COL4A6: variants seen among roughly 807,000 people sequenced by gnomAD.
COL4A6 encodes collagen alpha-6(IV) chain.
COL4A6 carries 59 observed loss-of-function variants against 126.7 expected under a neutral mutation model. That is an observed-to-expected ratio of 0.47 (90% CI 0.38 to 0.58). The LOEUF (loss-of-function observed/expected upper bound fraction) is 0.58. Among genes scored for constraint, COL4A6 ranks in the 20% least tolerant of loss-of-function variants. The pLI is 0.00. For synonymous variants in COL4A6, 547 were observed against 496.6 expected (o/e 1.10, Z -1.35); for missense variants, 1,285 against 1,337.3 (o/e 0.96, Z 0.61).
At position 108,171,768 on chromosome X, in the gene COL4A6, C is replaced by T. The variant is rs1212119371; in HGVS notation, c.3203-307G>A. On this transcript the variant is annotated intron_variant, in intron 32 of 44. Coordinates refer to ENST00000334504, the MANE Select transcript of COL4A6 (RefSeq NM_033641.4). ...ACATCACCAGAATGGAACAGTGATGCCAGCAAGAATGGGAAATTTTCCTGC... is the reference window on the plus strand; with the variant it reads ...ACATCACCAGAATGGAACAGTGATGTCAGCAAGAATGGGAAATTTTCCTGC... Among the ~76,000 whole-genome samples the T allele has an allele frequency of 2.7e-5, 3 of 111,742 alleles. No homozygotes were observed. The Admixed American group carries it at 2.8e-4, about 11-fold the overall frequency.
At chrX:108,263,803 A>T (rs1446154803) in intron 3 of COL4A6, among the ~76,000 whole-genome samples, 2 of 111,466 alleles carry the variant, frequency 1.8e-5, no homozygotes, top group South Asian at 3.8e-4. Context: ...CAGTAATTCT[A>T]TGTGCAATTA....
intron 2 of COL4A6, among the ~76,000 whole-genome samples, chrX:108,331,348 A>G (rs1472132754): frequency 8.9e-6 from 1 of 112,022 alleles, no homozygotes; most frequent in Non-Finnish European, 1.9e-5. Context: ...ACATCATAGC[A>G]TACTTACACA....
At chrX:108,281,177 T>C (rs1251136087) in intron 3 of COL4A6, among the ~76,000 whole-genome samples, 1 of 92,480 alleles carries the variant, frequency 1.1e-5, no homozygotes, top group Non-Finnish European at 2.2e-5. Flanking sequence ...ATAAAGGGTA[T>C]TCAGTTAGGA....
intron 2 of COL4A6, among the ~76,000 whole-genome samples, chrX:108,422,669 A>G (rs1476388452): frequency 1.8e-5 from 2 of 111,515 alleles, no homozygotes; most frequent in Non-Finnish European, 3.8e-5. Context: ...GCTGACTTAT[A>G]CTCTGAAAAC....
chrX:108,306,145 G>C (rs923750067), intron 3 of COL4A6, among the ~76,000 whole-genome samples: 2 of 112,061 alleles, frequency 1.8e-5, no homozygotes, highest in Non-Finnish European at 3.8e-5. Flanking sequence ...CAAGGGAACA[G>C]AAAGTTTCAG....
rs751264230 is a variant in COL4A6 at position 108,165,505 on chromosome X, AG to A, written c.3692-20del. 1.9e-6 allele frequency: 2 copies of A among 1,069,802 alleles called. No homozygotes were observed. Among genetic ancestry groups the A allele is most frequent in the Non-Finnish European group, 2.5e-6 (2 of 794,029 alleles). The allele number at this position is 1,069,802 out of a possible 1,213,427, so 88.2% of individuals were successfully genotyped here. A position where few individuals can be genotyped will look rare whatever the true frequency, so the allele number is the denominator to read the frequency against. Reference sequence around the variant, plus strand: ...GGGAAACCTGTAAAGAATAAATAAAAGGGGCTGGATAGGCTCTGTGTGCCCA... The same window carrying A: ...GGGAAACCTGTAAAGAATAAATAAAAGGGCTGGATAGGCTCTGTGTGCCCA... On this transcript the variant is annotated intron_variant, in intron 37 of 44. Coordinates refer to ENST00000334504, the MANE Select transcript of COL4A6 (RefSeq NM_033641.4).
At chrX:108,246,304 C>T (rs376013919) in intron 3 of COL4A6, among the ~76,000 whole-genome samples, 65 of 111,934 alleles carry the variant, frequency 5.8e-4, no homozygotes, top group African/African-American at 1.8e-3. Flanking sequence ...AGTTAAAGTT[C>T]TTGGCTGCAA....
At chrX:108,307,175 C>T (rs1206787502) in intron 3 of COL4A6, among the ~76,000 whole-genome samples, 1 of 111,296 alleles carries the variant, frequency 9.0e-6, no homozygotes, top group Non-Finnish European at 1.9e-5. Context: ...ACACCTAACT[C>T]CTAAGAAAGA....
At chrX:108,354,359 C>T (rs1382433399) in intron 2 of COL4A6, among the ~76,000 whole-genome samples, 1 of 111,289 alleles carries the variant, frequency 9.0e-6, no homozygotes, top group Non-Finnish European at 1.9e-5. Flanking sequence ...AAAATGTTTC[C>T]ATGGTGCTCA....
At chrX:108,405,317 G>A (rs1029808522) in intron 2 of COL4A6, among the ~76,000 whole-genome samples, 12 of 109,662 alleles carry the variant, frequency 1.1e-4, no homozygotes, top group African/African-American at 4.0e-4. Flanking sequence ...CCGTACCTCA[G>A]CCTCCCCAGT....
At chrX:108,419,473 C>T (rs1427410503) in intron 2 of COL4A6, among the ~76,000 whole-genome samples, 1 of 111,895 alleles carries the variant, frequency 8.9e-6, no homozygotes, top group Non-Finnish European at 1.9e-5. Flanking sequence ...CAAAAGGAGG[C>T]ATTTAAATGG....
In COL4A6 at chrX:108,323,360, G is replaced by A. The variant is rs1258600565; in HGVS notation, c.64-12532C>T. 2.7e-5 allele frequency among the ~76,000 whole-genome samples: 3 copies of A among 111,786 alleles called. No homozygotes were observed. In the East Asian group the frequency reaches 8.3e-4, roughly 31 times the overall value. On this transcript the variant is annotated intron_variant, in intron 2 of 44. Coordinates refer to ENST00000334504, the MANE Select transcript of COL4A6 (RefSeq NM_033641.4). ...TCAGGAAACTAAAAGCTTGATACAG[G>A]AGATAACTGCAGTCAAAAGGAGAAA...
At chrX:108,420,892 A>G (rs1384905257) in intron 2 of COL4A6, among the ~76,000 whole-genome samples, 2 of 111,996 alleles carry the variant, frequency 1.8e-5, no homozygotes, top group African/African-American at 3.2e-5. Context: ...ATGAGCAAAA[A>G]GCTGAATAAA....
At chrX:108,339,149 G>C (rs1369627586) in intron 2 of COL4A6, among the ~76,000 whole-genome samples, 1 of 112,473 alleles carries the variant, frequency 8.9e-6, no homozygotes, top group African/African-American at 3.2e-5. Context: ...TGAAAACCAG[G>C]AGTGGGCTAC....
At chrX:108,438,477 C>T, upstream of COL4A6, 1 of 993,502 alleles carries the variant, frequency 1.0e-6, no homozygotes, top group Admixed American at 5.0e-5. Flanking sequence ...GGGCTGTCTG[C>T]TGTCAATCAT....
chrX:108,389,339 G>C (rs1347715638), intron 2 of COL4A6, among the ~76,000 whole-genome samples: 1 of 111,577 alleles, frequency 9.0e-6, no homozygotes, highest in Non-Finnish European at 1.9e-5. Flanking sequence ...CACTATTATT[G>C]TGTGTGAGTC....
chrX:108,205,399 G>A, intron 11 of COL4A6, 40 bp downstream of exon 11: 32 of 1,051,777 alleles, frequency 3.0e-5, no homozygotes, highest in Non-Finnish European at 4.1e-5. Flanking sequence ...ATTTCTTGCA[G>A]CATATGGAAG....
chrX:108,224,842 C>T (rs1268286457), intron 3 of COL4A6, among the ~76,000 whole-genome samples: 2 of 111,038 alleles, frequency 1.8e-5, no homozygotes, highest in East Asian at 5.7e-4. Flanking sequence ...TTTCCCACCC[C>T]GACACTATCA....
intron 2 of COL4A6, among the ~76,000 whole-genome samples, chrX:108,321,767 C>T (rs770890238): frequency 9.0e-6 from 1 of 110,747 alleles, no homozygotes; most frequent in Non-Finnish European, 1.9e-5. Context: ...AATTCTGAGG[C>T]CTCTTTGGCT....
Sources: allele counts gnomAD v4.1 joint callset (sites outside exome capture counted in the v4.1 genomes callset), GRCh38; gene constraint gnomAD v4.1.1; transcripts MANE v1.5; gene names NCBI Gene and HGNC (gene_info 2026-07-23, HGNC 2026-07-21).